The following MAPKAP1 variants were observed in gnomAD, a reference collection of about 807,000 sequenced individuals.
MAPKAP1 encodes the protein target of rapamycin complex 2 subunit MAPKAP1.
A neutral mutation model predicts 65.7 loss-of-function variants in MAPKAP1; 20 were observed. The ratio of observed to expected loss-of-function variants is 0.30; its 90% CI spans 0.21 to 0.44. MAPKAP1 has a LOEUF of 0.44. Among genes scored for constraint, MAPKAP1 ranks in the 20% least tolerant of loss-of-function variants. The probability of loss-of-function intolerance (pLI) is 1.00; values close to 1 mark genes in which losing one functional copy is unlikely to be tolerated. For missense variants in MAPKAP1, 423 were observed against 648.0 expected (o/e 0.65, Z 3.77); for synonymous variants, 222 against 244.3 (o/e 0.91, Z 0.85).
intron 4 of MAPKAP1, among the ~76,000 whole-genome samples, chr9:125,638,570 C>T (rs1418966941): frequency 6.6e-6 from 1 of 152,220 alleles, no homozygotes; most frequent in African/African-American, 2.4e-5. Flanking sequence ...GCTTTTTCTA[C>T]AAGCAACATC....
At chr9:125,451,116 A>G (rs1852931663) in intron 10 of MAPKAP1, 1 of 152,214 alleles carries the variant, frequency 6.6e-6, no homozygotes, top group South Asian at 2.1e-4. Context: ...TCCTGTAAAC[A>G]TAATTAAATC....
At position 125,657,474 on chromosome 9, in the gene MAPKAP1, T is replaced by C. The variant is rs150536618; in HGVS notation, c.498+177A>G. On this transcript the variant is annotated intron_variant, in intron 4 of 11. Transcript: ENST00000265960. ...CCCAAATATATTACTGTGGAAACAATACTGAACCCAAATTCATACCTTTAC... is the reference window on the plus strand; with the variant it reads ...CCCAAATATATTACTGTGGAAACAACACTGAACCCAAATTCATACCTTTAC... Among the ~76,000 whole-genome samples, 18 of 152,246 alleles carry C rather than the reference T, an allele frequency of 1.2e-4. No individual in the cohort carries two copies. The East Asian group carries it at 3.3e-3, about 28-fold the overall frequency.
At chr9:125,580,371 T>C (rs1360459653) in intron 5 of MAPKAP1, among the ~76,000 whole-genome samples, 2 of 152,024 alleles carry the variant, frequency 1.3e-5, no homozygotes, top group East Asian at 1.9e-4. Context: ...AAAGGATGAG[T>C]TCATGTCTTT....
At chr9:125,465,209 A>G (rs1452668285) in intron 10 of MAPKAP1, among the ~76,000 whole-genome samples, 1 of 152,234 alleles carries the variant, frequency 6.6e-6, no homozygotes. Flanking sequence ...TCTCTTTGCC[A>G]TAATTCATTC....
intron 7 of MAPKAP1, among the ~76,000 whole-genome samples, chr9:125,530,476 CT>C (rs1829904149): frequency 6.6e-6 from 1 of 152,220 alleles, no homozygotes; most frequent in Non-Finnish European, 1.5e-5. Context: ...TTAAAACTTA[CT>C]TATAAATGTG....
At chr9:125,460,309 A>G (rs77553452) in intron 10 of MAPKAP1, among the ~76,000 whole-genome samples, 2 of 146,702 alleles carry the variant, frequency 1.4e-5, no homozygotes, top group South Asian at 4.3e-4. Context: ...CTCCCAGGAG[A>G]AAAAAAAAAA....
intron 4 of MAPKAP1, among the ~76,000 whole-genome samples, chr9:125,641,378 A>AC (rs1056350626): frequency 6.6e-6 from 1 of 151,970 alleles, no homozygotes; most frequent in African/African-American, 2.4e-5. Flanking sequence ...TGGTTTTTAC[A>AC]TTTTTTTTCA....
chr9:125,527,315 C>G (rs938482850), intron 7 of MAPKAP1, among the ~76,000 whole-genome samples: 1 of 152,218 alleles, frequency 6.6e-6, no homozygotes, highest in Admixed American at 6.5e-5. Context: ...ATCCACCCAC[C>G]TTGGCCTCCC....
intron 10 of MAPKAP1, among the ~76,000 whole-genome samples, chr9:125,460,308 GAAA>G (rs1053806026): frequency 7.3e-6 from 1 of 137,494 alleles, no homozygotes; most frequent in Non-Finnish European, 1.6e-5. Context: ...TCTCCCAGGA[GAAA>G]AAAAAAAAAG....
intron 4 of MAPKAP1, among the ~76,000 whole-genome samples, chr9:125,644,086 C>G (rs768808837): frequency 5.3e-5 from 8 of 152,134 alleles, no homozygotes; most frequent in Non-Finnish European, 8.8e-5. Flanking sequence ...CAGCCTTCCC[C>G]AAAAGAGGTT....
At chr9:125,653,226 G>C (rs1833941298) in intron 4 of MAPKAP1, among the ~76,000 whole-genome samples, 1 of 152,186 alleles carries the variant, frequency 6.6e-6, no homozygotes, top group Non-Finnish European at 1.5e-5. Context: ...CCTGTAACAA[G>C]AAACAGAGTA....
At chr9:125,561,227 A>G (rs950704879) in intron 5 of MAPKAP1, among the ~76,000 whole-genome samples, 1 of 152,210 alleles carries the variant, frequency 6.6e-6, no homozygotes, top group Admixed American at 6.5e-5. Context: ...GAATTATTTC[A>G]CTGACTACCT....
intron 4 of MAPKAP1, among the ~76,000 whole-genome samples, chr9:125,607,846 G>A (rs888411508): frequency 1.3e-5 from 2 of 152,178 alleles, no homozygotes; most frequent in Non-Finnish European, 2.9e-5. Context: ...AGTAGAGACG[G>A]GGTTTCACCA....
intron 3 of MAPKAP1, among the ~76,000 whole-genome samples, chr9:125,662,925 T>TG (rs1315003676): frequency 6.6e-6 from 1 of 152,170 alleles, no homozygotes; most frequent in African/African-American, 2.4e-5. Context: ...AAAAATAATC[T>TG]GGGAGGGCTG....
intron 3 of MAPKAP1, 87 bp from the exon 4 acceptor site, chr9:125,657,886 A>C: frequency 1.6e-6 from 2 of 1,281,400 alleles, no homozygotes; most frequent in African/African-American, 3.0e-5. Context: ...TTAGAACCTT[A>C]AGGAAGGAGC....
chr9:125,490,155 T>C (rs1854645896), intron 8 of MAPKAP1, among the ~76,000 whole-genome samples: 1 of 152,214 alleles, frequency 6.6e-6, no homozygotes, highest in African/African-American at 2.4e-5. Flanking sequence ...CCAAGTCCCC[T>C]TCAGGGTCCA....
chr9:125,447,291 C>G lies in MAPKAP1; in HGVS notation c.1346-2693G>C. On this transcript the variant is annotated intron_variant, in intron 10 of 11. Transcript: ENST00000265960. This position sits in a 1 kb window ranked among gnomAD's most constrained non-coding sequence, Gnocchi z 4.5. Reference sequence around the variant, plus strand: ...ATTCCCCCACTCTCCCTCAAGCCTCCGGTCTGTTTGTCCTTTCCAGTGAAA... The same window carrying G: ...ATTCCCCCACTCTCCCTCAAGCCTCGGGTCTGTTTGTCCTTTCCAGTGAAA... 1 of 409,934 alleles carries G rather than the reference C, an allele frequency of 2.4e-6. No homozygotes were observed. The highest frequency in any genetic ancestry group is 5.0e-6 in the Non-Finnish European group (1 of 200,098). 25.4% of individuals were successfully genotyped at this position (409,934 alleles called of 1,614,324 possible). A position where few individuals can be genotyped will look rare whatever the true frequency, so the allele number is the denominator to read the frequency against.
chr9:125,559,612 A>G, intron 6 of MAPKAP1, 21 bp downstream of exon 6: 1 of 1,585,850 alleles, frequency 6.3e-7, no homozygotes, highest in South Asian at 1.1e-5. Context: ...TACCGAGAGA[A>G]GTAATAGAGT....
In MAPKAP1 at chr9:125,502,848, T is replaced by C. The variant is rs566746932; in HGVS notation, c.1066+3462A>G. Among the ~76,000 whole-genome samples the C allele has an allele frequency of 2.0e-5, 3 of 152,338 alleles. No individual in the cohort carries two copies. The East Asian group carries it at 5.8e-4, about 29-fold the overall frequency. On this transcript the variant is annotated intron_variant, in intron 8 of 11. Coordinates refer to ENST00000265960, the MANE Select transcript of MAPKAP1 (RefSeq NM_001006617.3). ...TTCTCTATTATACATTTTTAAAAAA[T>C]GTATTTGCTGTTTCAATTACTGAGA... is the stretch of plus-strand genomic sequence containing the variant.
Sources: allele counts gnomAD v4.1 joint callset (sites outside exome capture counted in the v4.1 genomes callset), GRCh38; gene constraint gnomAD v4.1.1; non-coding constraint Gnocchi (gnomAD v3.1); transcripts MANE v1.5; gene names NCBI Gene and HGNC (gene_info 2026-07-23, HGNC 2026-07-21).